Variants in TRDN observed in about 807,000 individuals in gnomAD.
TRDN encodes the protein triadin, also known as triadin in skeletal muscle.
A neutral mutation model predicts 149.7 loss-of-function variants in TRDN; 161 were observed. The observed-to-expected ratio is 1.08, with a 90% CI of 0.95 to 1.23. The LOEUF (loss-of-function observed/expected upper bound fraction) is 1.23, where lower values mean the gene tolerates loss of function less well. TRDN is among the 50% of genes most tolerant of loss of function. The pLI is 0.00. For synonymous variants in TRDN, 294 were observed against 250.5 expected, an observed-to-expected ratio of 1.17 and a Z score of -1.64; for missense variants, 896 against 823.5, an observed-to-expected ratio of 1.09 and a Z score of -1.08.
At chr6:123,282,505 TTC>T (rs1344136595) in intron 24 of TRDN, among the ~76,000 whole-genome samples, 2 of 152,046 alleles carry the variant, frequency 1.3e-5, no homozygotes, top group Non-Finnish European at 1.5e-5. Flanking sequence ...TAAAGAAACT[TTC>T]TGTTATATTT....
chr6:123,454,639 T>C (rs1775991728), intron 10 of TRDN, among the ~76,000 whole-genome samples: 1 of 152,180 alleles, frequency 6.6e-6, no homozygotes, highest in Non-Finnish European at 1.5e-5. Context: ...TGTTAGGAAC[T>C]AGGGTGCACA....
chr6:123,322,957 T>C (rs1029048094), intron 23 of TRDN, among the ~76,000 whole-genome samples: 5 of 152,114 alleles, frequency 3.3e-5, no homozygotes, highest in Non-Finnish European at 7.3e-5. Context: ...CTTTTTTCAC[T>C]GTCTTGTGAG....
At chr6:123,570,847 G>T in intron 2 of TRDN, 76 bp downstream of exon 2, 2 of 1,359,032 alleles carry the variant, frequency 1.5e-6, no homozygotes, top group Non-Finnish European at 2.0e-6. Flanking sequence ...CAGAAACCAA[G>T]CAGGAACTGG....
At position 123,443,624 on chromosome 6, in the gene TRDN, C is replaced by T. The variant is rs137965133; in HGVS notation, c.932-4621G>A. ...TGGCTAACAAGGGGAAATCCCGTCA[C>T]GACTAAAAATACAAAAAATTAGCCA... is the stretch of plus-strand genomic sequence containing the variant. On this transcript the variant is annotated intron_variant, in intron 10 of 40. Coordinates refer to ENST00000334268, the MANE Select transcript of TRDN (RefSeq NM_006073.4). 3.8e-3 allele frequency among the ~76,000 whole-genome samples: 581 copies of T among 152,128 alleles called. 3 individuals carry two copies. Among genetic ancestry groups the T allele is most frequent in the African/African-American group, 0.012 (479 of 41,464 alleles).
chr6:123,568,030 C>T (rs73539132), intron 2 of TRDN, among the ~76,000 whole-genome samples: 2,714 of 152,160 alleles, frequency 0.018, 82 homozygotes, highest in African/African-American at 0.06. Flanking sequence ...TATTTACTTC[C>T]AAGACACAAT....
At chr6:123,358,770 A>C (rs955904038) in intron 20 of TRDN, among the ~76,000 whole-genome samples, 3 of 152,148 alleles carry the variant, frequency 2.0e-5, no homozygotes, top group African/African-American at 7.2e-5. Context: ...GGCGTGAGCC[A>C]CCGCGCCCAG....
chr6:123,322,038 A>G (rs1779261107), intron 23 of TRDN, among the ~76,000 whole-genome samples: 1 of 152,166 alleles, frequency 6.6e-6, no homozygotes, highest in Non-Finnish European at 1.5e-5. Flanking sequence ...CTTTACTTCA[A>G]TATTTTACTG....
At chr6:123,276,168 C>T (rs1777360471) in intron 26 of TRDN, among the ~76,000 whole-genome samples, 2 of 152,000 alleles carry the variant, frequency 1.3e-5, no homozygotes, top group South Asian at 4.2e-4. Context: ...CTATTTATTA[C>T]ACAGGTAACA....
Position 123,218,554 on chromosome 6 carries a change from C to G in TRDN, c.*47G>C, listed in dbSNP as rs767775752. ...GCCTGAACTACTGTGGACAAAACATCACATTTTTAAAATCTTAAAGCACTT... is the reference window on the plus strand; with the variant it reads ...GCCTGAACTACTGTGGACAAAACATGACATTTTTAAAATCTTAAAGCACTT... On this transcript the variant is annotated 3_prime_UTR_variant, in exon 41 of 41. Coordinates refer to ENST00000334268, the MANE Select transcript of TRDN (RefSeq NM_006073.4). 4.0e-5 allele frequency: 63 copies of G among 1,569,632 alleles called. No homozygotes were observed. The highest frequency in any genetic ancestry group is 5.0e-5 in the Non-Finnish European group (58 of 1,159,462).
intron 38 of TRDN, among the ~76,000 whole-genome samples, chr6:123,249,804 C>T (rs1024774821): frequency 6.6e-5 from 10 of 151,792 alleles, no homozygotes; most frequent in South Asian, 2.1e-4. Context: ...ATGTCCTAGC[C>T]GGAACAATCA....
chr6:123,436,664 C>T (rs1162173920), intron 12 of TRDN, among the ~76,000 whole-genome samples: 3 of 152,000 alleles, frequency 2.0e-5, no homozygotes, highest in Non-Finnish European at 4.4e-5. Flanking sequence ...CACTAAAATG[C>T]CGTCTAACCC....
At chr6:123,578,617 A>G (rs958595119) in intron 1 of TRDN, among the ~76,000 whole-genome samples, 1 of 152,062 alleles carries the variant, frequency 6.6e-6, no homozygotes, top group Non-Finnish European at 1.5e-5. Flanking sequence ...CTTTTTGCTT[A>G]GGATTGTCTT....
chr6:123,451,210 C>T (rs1172627260), intron 10 of TRDN, among the ~76,000 whole-genome samples: 3 of 151,754 alleles, frequency 2.0e-5, no homozygotes, highest in African/African-American at 7.3e-5. Context: ...AAGAGCAAAC[C>T]AAACCCAAAC....
chr6:123,341,178 T>C (rs967424193), intron 21 of TRDN, among the ~76,000 whole-genome samples: 3 of 151,894 alleles, frequency 2.0e-5, no homozygotes. Context: ...GAAATAATAA[T>C]ATATTGATGC....
chr6:123,406,446 T>C (rs1291310750), intron 12 of TRDN, among the ~76,000 whole-genome samples: 1 of 152,258 alleles, frequency 6.6e-6, no homozygotes, highest in East Asian at 1.9e-4. Context: ...GCCCAGCATG[T>C]TGTCAATATA....
intron 40 of TRDN, 26 bp from the exon 41 acceptor site, chr6:123,218,766 T>C: frequency 6.5e-7 from 1 of 1,549,302 alleles, no homozygotes. Context: ...TGACAGTTTG[T>C]TAAAACATGC....
chr6:123,405,726 A>T (rs979549726), intron 12 of TRDN, among the ~76,000 whole-genome samples: 1 of 152,200 alleles, frequency 6.6e-6, no homozygotes, highest in Non-Finnish European at 1.5e-5. Context: ...TTAAAAAGTC[A>T]ATTTAATTTA....
intron 1 of TRDN, among the ~76,000 whole-genome samples, chr6:123,612,542 C>A (rs1784872722): frequency 6.6e-6 from 1 of 151,848 alleles, no homozygotes. Context: ...TGTGTTAAAT[C>A]TTAACAGGAG....
At chr6:123,323,990 A>T (rs1779351771) in intron 23 of TRDN, among the ~76,000 whole-genome samples, 1 of 152,142 alleles carries the variant, frequency 6.6e-6, no homozygotes. Flanking sequence ...AGGCCCTGTG[A>T]TGTTATTTGA....
Sources: allele counts gnomAD v4.1 joint callset (sites outside exome capture counted in the v4.1 genomes callset), GRCh38; gene constraint gnomAD v4.1.1; transcripts MANE v1.5; gene names NCBI Gene and HGNC (gene_info 2026-07-23, HGNC 2026-07-21).